NGEF: variants seen among roughly 807,000 people sequenced by gnomAD.
NGEF encodes neuronal guanine nucleotide exchange factor, also known as ephexin-1.
A neutral mutation model predicts 80.9 loss-of-function variants in NGEF; 31 were observed. The observed-to-expected ratio is 0.38, with a 90% CI of 0.29 to 0.52. NGEF has a LOEUF of 0.52. Ranked by LOEUF, NGEF falls within the 20% of genes least tolerant of loss-of-function variation. The pLI is 0.84. For synonymous variants in NGEF, 371 were observed against 370.2 expected (o/e 1.00, Z -0.03); for missense variants, 709 against 926.2 (o/e 0.77, Z 3.04).
intron 1 of NGEF, among the ~76,000 whole-genome samples, chr2:233,002,513 A>T (rs1695001076): frequency 6.6e-6 from 1 of 152,114 alleles, no homozygotes; most frequent in African/African-American, 2.4e-5. Context: ...CCCTGTCTCT[A>T]CAAAAAATAA....
intron 3 of NGEF, among the ~76,000 whole-genome samples, chr2:232,934,049 C>G (rs1378241553): frequency 6.6e-6 from 1 of 152,070 alleles, no homozygotes; most frequent in Non-Finnish European, 1.5e-5. Context: ...TGAGACCATC[C>G]TGGCCAATAT....
chr2:233,007,667 A>G (rs1695114807), intron 1 of NGEF, among the ~76,000 whole-genome samples: 2 of 152,182 alleles, frequency 1.3e-5, no homozygotes, highest in Admixed American at 6.5e-5. Context: ...GTTTTCCCAA[A>G]CACAGCCTAG....
At chr2:232,916,501 G>A (rs574633471) in intron 5 of NGEF, among the ~76,000 whole-genome samples, 1 of 152,144 alleles carries the variant, frequency 6.6e-6, no homozygotes, top group Non-Finnish European at 1.5e-5. Context: ...ACAAAAAGCT[G>A]CTACAAATCA....
rs563698416 is a variant in NGEF, at chr2:232,969,858, T to C, written c.383+356A>G. 2.8e-4 allele frequency among the ~76,000 whole-genome samples: 43 copies of C among 152,178 alleles called. 1 individual carries two copies. The highest frequency in any genetic ancestry group is 2.0e-3 in the Admixed American group (30 of 15,274). ...CTTAATATATGTAGTATTCAAAATT[T>C]CCTAGTTTTGTCAGAGGAGTAACAA... On this transcript the variant is annotated intron_variant, in intron 3 of 14. Coordinates refer to ENST00000264051, the MANE Select transcript of NGEF (RefSeq NM_019850.3).
intron 7 of NGEF, 35 bp from the exon 8 acceptor site, chr2:232,891,522 C>T (rs1312233451): frequency 6.3e-7 from 1 of 1,597,828 alleles, no homozygotes; most frequent in Admixed American, 1.7e-5. Flanking sequence ...GGTCTCTGAG[C>T]TGCAGGAGGC....
intron 3 of NGEF, among the ~76,000 whole-genome samples, chr2:232,959,947 A>C (rs1693910256): frequency 6.6e-6 from 1 of 152,240 alleles, no homozygotes; most frequent in African/African-American, 2.4e-5. Context: ...TATGGCACCA[A>C]CCAGCTACAG....
At chr2:232,975,824 T>G (rs558680795) in intron 1 of NGEF, among the ~76,000 whole-genome samples, 2 of 152,236 alleles carry the variant, frequency 1.3e-5, no homozygotes, top group South Asian at 2.1e-4. Flanking sequence ...GTCACATGGA[T>G]TCTATGGAGG....
At chr2:232,886,883 C>T (rs938752620) in intron 9 of NGEF, among the ~76,000 whole-genome samples, 2 of 152,234 alleles carry the variant, frequency 1.3e-5, no homozygotes, top group East Asian at 3.9e-4. Context: ...CCTAGAGATG[C>T]TGCCTGGCTC....
intron 3 of NGEF, among the ~76,000 whole-genome samples, chr2:232,956,063 C>A (rs1335516929): frequency 6.6e-6 from 1 of 152,158 alleles, no homozygotes; most frequent in Non-Finnish European, 1.5e-5. Flanking sequence ...ATGTGCTGGA[C>A]CCTGTCTACT....
chr2:232,944,376 G>A (rs1693506219), intron 3 of NGEF, among the ~76,000 whole-genome samples: 3 of 152,140 alleles, frequency 2.0e-5, no homozygotes, highest in South Asian at 2.1e-4. Flanking sequence ...ATTCATTGTG[G>A]CATTATTTTT....
chr2:232,952,819 A>G (rs957471458), intron 3 of NGEF, among the ~76,000 whole-genome samples: 1 of 151,246 alleles, frequency 6.6e-6, no homozygotes, highest in South Asian at 2.1e-4. Context: ...AAATACAAAA[A>G]TTAGCTGGGT....
chr2:233,007,155 G>A (rs2106347012), intron 1 of NGEF, among the ~76,000 whole-genome samples: 1 of 152,252 alleles, frequency 6.6e-6, no homozygotes, highest in South Asian at 2.1e-4. Flanking sequence ...GAGATGGGAG[G>A]ATCGCTTGAG....
At chr2:232,898,876 G>C (rs1337337295) in intron 5 of NGEF, among the ~76,000 whole-genome samples, 1 of 152,230 alleles carries the variant, frequency 6.6e-6, no homozygotes. Context: ...CAGGGTGTGA[G>C]CATTAAGGAA....
chr2:232,963,468 A>G (rs1693992549), intron 3 of NGEF, among the ~76,000 whole-genome samples: 1 of 151,948 alleles, frequency 6.6e-6, no homozygotes, highest in African/African-American at 2.4e-5. Context: ...CAAACAATAA[A>G]AAAATTTCTA....
At chr2:232,888,251 C>A in intron 8 of NGEF, 144 bp from the exon 9 acceptor site, 1 of 611,900 alleles carries the variant, frequency 1.6e-6, no homozygotes, top group Non-Finnish European at 2.9e-6. Flanking sequence ...CGCACGCACA[C>A]GCATACATGC....
chr2:232,930,326 C>CTT (rs35840661), intron 3 of NGEF, among the ~76,000 whole-genome samples: 54,108 of 144,162 alleles, frequency 0.38, 10,387 homozygotes, highest in African/African-American at 0.48. Context: ...CTCTCTCTCT[C>CTT]TTTTTTTTTT....
rs954028132 is a variant in NGEF, at chr2:232,888,175, C to T, written c.1273-68G>A. ...TCTTTCCTCCCATTTCCCACCTTGA[C>T]CGTGACTACCTCCCTACTGCACCAG... On this transcript the variant is annotated intron_variant, in intron 8 of 14. Transcript: ENST00000264051. 1.1e-5 allele frequency: 13 copies of T among 1,173,950 alleles called. No individual in the cohort carries two copies. The South Asian group carries it at 1.9e-4, about 17-fold the overall frequency. 72.7% of individuals were successfully genotyped at this position (1,173,950 alleles called of 1,614,324 possible).
rs577794590 is a variant in NGEF at position 233,001,508 on chromosome 2, G to C, written c.-75+11560C>G. On this transcript the variant is annotated intron_variant, in intron 1 of 14. Transcript: ENST00000264051. ...GGGATTCAGGCATGTAGAGGGTGCT[G>C]GGGCCTTGGTGGGGGGCAGAGAGGA... Among the ~76,000 whole-genome samples the C allele has an allele frequency of 2.6e-5, 4 of 152,298 alleles. No individual in the cohort carries two copies. The South Asian group carries it at 8.3e-4, about 32-fold the overall frequency.
intron 3 of NGEF, among the ~76,000 whole-genome samples, chr2:232,941,155 C>T (rs1201506142): frequency 1.3e-5 from 2 of 152,004 alleles, no homozygotes; most frequent in Non-Finnish European, 2.9e-5. Flanking sequence ...TCTTCTTGAG[C>T]TCAGTCATGT....
Sources: gnomAD v4.1 joint callset for allele counts (sites outside exome capture counted in the v4.1 genomes callset) on GRCh38, gnomAD v4.1.1 for gene constraint, MANE v1.5 for transcripts, NCBI Gene and HGNC (gene_info 2026-07-23, HGNC 2026-07-21) for gene names.